The following LRRK2 variants were observed in gnomAD, a reference collection of about 807,000 sequenced individuals.
LRRK2 encodes the protein leucine-rich repeat serine/threonine-protein kinase 2.
In LRRK2, 203 loss-of-function variants were observed where a neutral mutation model predicts 302.6. That is an observed-to-expected ratio of 0.67 (90% CI 0.60 to 0.75). The LOEUF is 0.75. Among genes scored for constraint, LRRK2 ranks in the 30% least tolerant of loss-of-function variants. The pLI is 0.00. For synonymous variants in LRRK2, 1,066 were observed against 1,031.9 expected (o/e 1.03, Z -0.63); for missense variants, 2,830 against 2,951.0 (o/e 0.96, Z 0.95).
At chr12:40,345,180 T>C (rs1946155787) in intron 41 of LRRK2, among the ~76,000 whole-genome samples, 1 of 152,178 alleles carries the variant, frequency 6.6e-6, no homozygotes, top group Non-Finnish European at 1.5e-5. Context: ...TTGTAAAAAT[T>C]TTGGAAATAA....
chr12:40,352,332 A>G lies in LRRK2; in HGVS notation c.6576+599A>G, dbSNP rs186963235. ...CCTGATGGATAAAGGAGATCTGGAC[A>G]TGGCTCCTAAAAGTGGATCAATACA... On this transcript the variant is annotated intron_variant, in intron 44 of 50. Coordinates refer to ENST00000298910, the MANE Select transcript of LRRK2 (RefSeq NM_198578.4). Among the ~76,000 whole-genome samples, 54 of 152,316 alleles carry G rather than the reference A, an allele frequency of 3.5e-4. No individual in the cohort carries two copies. In the East Asian group the frequency reaches 0.01, roughly 29 times the overall value.
At chr12:40,309,077 A>G in intron 29 of LRRK2, 29 bp from the exon 30 acceptor site, 1 of 1,610,124 alleles carries the variant, frequency 6.2e-7, no homozygotes, top group Non-Finnish European at 8.5e-7. Context: ...TTGAAAGATT[A>G]AAAAAATTTG....
Position 40,302,770 on chromosome 12 carries a change from C to T in LRRK2, c.3497-19C>T. On this transcript the variant is annotated intron_variant, in intron 25 of 50. Transcript: ENST00000298910. ...TGGTTAAAATGATTAAAATGTTTAT[C>T]TCATTTTTTTTCTTTTAGCTGCTAT... 1 of 1,465,902 alleles carries T rather than the reference C, an allele frequency of 6.8e-7. No homozygotes were observed. The highest frequency in any genetic ancestry group is 9.6e-7 in the Non-Finnish European group (1 of 1,046,162). 90.8% of individuals were successfully genotyped at this position (1,465,902 alleles called of 1,614,324 possible).
intron 20 of LRRK2, among the ~76,000 whole-genome samples, chr12:40,293,122 A>G (rs1363405576): frequency 6.6e-6 from 1 of 152,112 alleles, no homozygotes; most frequent in Non-Finnish European, 1.5e-5. Flanking sequence ...AAAAAAATTC[A>G]GAGAAACAGA....
chr12:40,337,244 G>T (rs143144182), intron 40 of LRRK2, among the ~76,000 whole-genome samples: 1 of 152,272 alleles, frequency 6.6e-6, no homozygotes, highest in Non-Finnish European at 1.5e-5. Context: ...TCCCTTAAAT[G>T]CTGGAGCTGT....
rs376598051 is a variant in LRRK2 at position 40,263,349 on chromosome 12, A to AT, written c.1544-434dup. ...ACCTTAATACTGAAACTCAAATCTT[A>AT]TTTTTTGCTACGATTATTCCAGCTA... On this transcript the variant is annotated intron_variant, in intron 13 of 50. Transcript: ENST00000298910. Among the ~76,000 whole-genome samples, 322 of 152,058 alleles carry AT rather than the reference A, an allele frequency of 2.1e-3. 1 individual carries two copies. The highest frequency in any genetic ancestry group is 3.3e-3 in the Non-Finnish European group (222 of 67,964).
At chr12:40,328,528 A>C in intron 39 of LRRK2, 68 bp downstream of exon 39, 7 of 1,245,696 alleles carry the variant, frequency 5.6e-6, no homozygotes, top group South Asian at 1.3e-5. Flanking sequence ...CTTATTTTGC[A>C]TACAGTTGTG....
intron 32 of LRRK2, among the ~76,000 whole-genome samples, chr12:40,314,714 C>T (rs1474809274): frequency 6.6e-6 from 1 of 151,898 alleles, no homozygotes; most frequent in Non-Finnish European, 1.5e-5. Flanking sequence ...ATCATATTAC[C>T]TTGCTAGAAA....
intron 25 of LRRK2, among the ~76,000 whole-genome samples, chr12:40,299,589 G>T (rs1944544893): frequency 6.6e-6 from 1 of 152,118 alleles, no homozygotes; most frequent in Non-Finnish European, 1.5e-5. Flanking sequence ...AGGGGAGGGA[G>T]AGATGAATAG....
chr12:40,336,190 C>A (rs1319784811), intron 40 of LRRK2, among the ~76,000 whole-genome samples: 1 of 152,130 alleles, frequency 6.6e-6, no homozygotes, highest in Non-Finnish European at 1.5e-5. Context: ...CTTGCAGATA[C>A]CAGAGGCTTT....
Position 40,277,874 on chromosome 12 carries a change from TC to T in LRRK2, c.1942-13del. On this transcript the variant is annotated splice_polypyrimidine_tract_variant and intron_variant, in intron 16 of 50. Coordinates refer to ENST00000298910, the MANE Select transcript of LRRK2 (RefSeq NM_198578.4). Reference sequence around the variant, plus strand: ...TAATTGCTTATTTTATTATTTTTTTTCTTATACTTTTAGGGATTTCAGACAA... The same window carrying T: ...TAATTGCTTATTTTATTATTTTTTTTTTATACTTTTAGGGATTTCAGACAA... 1 of 1,583,370 alleles carries T rather than the reference TC, an allele frequency of 6.3e-7. No individual in the cohort carries two copies. Among genetic ancestry groups the T allele is most frequent in the Non-Finnish European group, 8.6e-7 (1 of 1,164,414 alleles).
At chr12:40,357,822 G>A (rs1376378830) in intron 46 of LRRK2, among the ~76,000 whole-genome samples, 1 of 152,090 alleles carries the variant, frequency 6.6e-6, no homozygotes, top group Non-Finnish European at 1.5e-5. Context: ...ACCCAGGCTG[G>A]CTCACAGTGG....
intron 43 of LRRK2, among the ~76,000 whole-genome samples, chr12:40,349,973 A>T (rs968606531): frequency 2.6e-5 from 4 of 152,198 alleles, no homozygotes; most frequent in Non-Finnish European, 5.9e-5. Flanking sequence ...TTGTTTTTTA[A>T]CTGCCCAGTT....
intron 30 of LRRK2, 52 bp downstream of exon 30, chr12:40,309,285 C>CGTGT (rs10650388): frequency 1.2e-3 from 1,544 of 1,310,054 alleles, no homozygotes; most frequent in Admixed American, 4.0e-3. Flanking sequence ...TGTCTGTGTG[C>CGTGT]GTGTGTGTGT....
At chr12:40,338,849 A>G (rs1454905837) in intron 40 of LRRK2, among the ~76,000 whole-genome samples, 1 of 152,168 alleles carries the variant, frequency 6.6e-6, no homozygotes, top group Non-Finnish European at 1.5e-5. Context: ...TTAATCTCTC[A>G]GCTTTTCTCT....
At chr12:40,272,689 G>T (rs1319879633) in intron 14 of LRRK2, among the ~76,000 whole-genome samples, 1 of 152,128 alleles carries the variant, frequency 6.6e-6, no homozygotes, top group African/African-American at 2.4e-5. Flanking sequence ...GATGGGTAAA[G>T]GAATGATTTT....
intron 4 of LRRK2, among the ~76,000 whole-genome samples, chr12:40,236,437 T>C (rs1210759055): frequency 1.3e-5 from 2 of 152,168 alleles, no homozygotes; most frequent in African/African-American, 4.8e-5. Flanking sequence ...GCCTGGTAGA[T>C]AATGGACCTG....
intron 33 of LRRK2, 96 bp downstream of exon 33, chr12:40,315,396 T>A: frequency 1.0e-6 from 1 of 995,212 alleles, no homozygotes; most frequent in Non-Finnish European, 1.6e-6. Flanking sequence ...TGGGTTTAGT[T>A]AAGGCAGAAA....
chr12:40,350,081 C>T lies in LRRK2; in HGVS notation c.6382-1458C>T, dbSNP rs148633876. On this transcript the variant is annotated intron_variant, in intron 43 of 50. Transcript: ENST00000298910. The stretch of plus-strand genomic sequence containing the variant: ...CCTCTCCCCGCTCCCTGCACAGTCC[C>T]AGAACAACTTTCCTTATATACCAAT... Among the ~76,000 whole-genome samples, 55 of 152,318 alleles carry T rather than the reference C, an allele frequency of 3.6e-4. 1 individual carries two copies. In the East Asian group the frequency reaches 9.3e-3, roughly 26 times the overall value.
Sources: gnomAD v4.1 joint callset for allele counts (sites outside exome capture counted in the v4.1 genomes callset) on GRCh38, gnomAD v4.1.1 for gene constraint, MANE v1.5 for transcripts, NCBI Gene and HGNC (gene_info 2026-07-23, HGNC 2026-07-21) for gene names.